The following MCTP2 variants were observed in gnomAD, a reference collection of about 807,000 sequenced individuals.
MCTP2 encodes the protein multiple C2 and transmembrane domain containing 2.
In MCTP2, 132 loss-of-function variants were observed where a neutral mutation model predicts 111.6. The ratio of observed to expected loss-of-function variants is 1.18; its 90% CI spans 1.03 to 1.37. The LOEUF is 1.37. Among genes scored for constraint, MCTP2 ranks in the 40% most tolerant of loss-of-function variants. The pLI is 0.00. For synonymous variants in MCTP2, 395 were observed against 387.7 expected (o/e 1.02, Z -0.22); for missense variants, 1,183 against 1,067.9 (o/e 1.11, Z -1.50).
chr15:94,443,510 G>A (rs1018767694), intron 19 of MCTP2, among the ~76,000 whole-genome samples: 18 of 152,216 alleles, frequency 1.2e-4, no homozygotes, highest in Non-Finnish European at 1.0e-4. Flanking sequence ...AATGCCAAAT[G>A]AGATGCTACT....
At chr15:94,337,666 GGT>G (rs3068711) in intron 4 of MCTP2, among the ~76,000 whole-genome samples, 25,670 of 150,756 alleles carry the variant, frequency 0.17, 2,564 homozygotes, top group East Asian at 0.3. Context: ...GCCCGAACAC[GGT>G]GTGTGTGTGT....
intron 19 of MCTP2, among the ~76,000 whole-genome samples, chr15:94,457,478 A>G (rs980364913): frequency 1.3e-5 from 2 of 152,196 alleles, no homozygotes; most frequent in Admixed American, 1.3e-4. Context: ...TTCTAATGTC[A>G]TGAGGAGATC....
At chr15:94,285,567 C>T (rs1380535834) in intron 1 of MCTP2, among the ~76,000 whole-genome samples, 1 of 152,110 alleles carries the variant, frequency 6.6e-6, no homozygotes, top group Non-Finnish European at 1.5e-5. Context: ...TTAAAAGTCA[C>T]TTACACATTT....
intron 4 of MCTP2, among the ~76,000 whole-genome samples, chr15:94,316,649 A>G (rs2076391178): frequency 6.6e-6 from 1 of 152,230 alleles, no homozygotes; most frequent in Admixed American, 6.5e-5. Flanking sequence ...CATAATTTTC[A>G]GCATTGACAT....
rs1211977109 is a variant in MCTP2, at chr15:94,483,325, C to T, written c.*4291C>T. The T allele has an allele frequency of 6.6e-6, 1 of 152,154 alleles. No homozygotes were observed. The highest frequency in any genetic ancestry group is 1.5e-5 in the Non-Finnish European group (1 of 68,022). The allele number at this position is 152,154 out of a possible 1,614,324, so 9.4% of individuals were successfully genotyped here. A position where few individuals can be genotyped will look rare whatever the true frequency, so the allele number is the denominator to read the frequency against. ...CCTCAAAAACCTAAAGACAGAAATACCATTTGACCCAGCAATCCCATAACT... is the reference window on the plus strand; with the variant it reads ...CCTCAAAAACCTAAAGACAGAAATATCATTTGACCCAGCAATCCCATAACT... On this transcript the variant is annotated 3_prime_UTR_variant, in exon 23 of 23. Transcript: ENST00000357742.
At chr15:94,245,520 A>T (rs1461496664) in intron 1 of MCTP2, among the ~76,000 whole-genome samples, 4 of 141,606 alleles carry the variant, frequency 2.8e-5, no homozygotes, top group African/African-American at 7.7e-5. Flanking sequence ...ACATATATGT[A>T]TATATTTATA....
chr15:94,385,571 T>A, intron 14 of MCTP2, 46 bp downstream of exon 14: 1 of 1,332,646 alleles, frequency 7.5e-7, no homozygotes, highest in South Asian at 1.2e-5. Flanking sequence ...ATTTTATAGT[T>A]GATGAGTTTC....
intron 2 of MCTP2, among the ~76,000 whole-genome samples, chr15:94,309,328 T>C (rs930311124): frequency 2.0e-4 from 31 of 152,240 alleles, no homozygotes; most frequent in African/African-American, 7.5e-4. Context: ...AGATACGGGT[T>C]ATAGATTAAA....
intron 14 of MCTP2, among the ~76,000 whole-genome samples, chr15:94,393,080 A>T (rs2081085930): frequency 6.6e-6 from 1 of 152,156 alleles, no homozygotes; most frequent in African/African-American, 2.4e-5. Context: ...CTGATAATAT[A>T]TTATCTTTGA....
intron 4 of MCTP2, among the ~76,000 whole-genome samples, chr15:94,321,907 T>C (rs2076646910): frequency 1.3e-5 from 2 of 152,150 alleles, no homozygotes; most frequent in Admixed American, 1.3e-4. Context: ...AAGAAAATCA[T>C]AAAAGAGAGA....
At chr15:94,244,816 A>G (rs2071638543) in intron 1 of MCTP2, among the ~76,000 whole-genome samples, 1 of 147,556 alleles carries the variant, frequency 6.8e-6, no homozygotes, top group South Asian at 2.1e-4. Context: ...ACGTATATGT[A>G]TACACATATG....
intron 1 of MCTP2, among the ~76,000 whole-genome samples, chr15:94,241,132 G>A (rs1420072364): frequency 8.8e-6 from 1 of 113,058 alleles, no homozygotes; most frequent in African/African-American, 3.6e-5. Flanking sequence ...TATCTCCTAG[G>A]GATCCTTTAG....
At chr15:94,278,112 A>G (rs1191773468) in intron 1 of MCTP2, 1 of 152,176 alleles carries the variant, frequency 6.6e-6, no homozygotes, top group Non-Finnish European at 1.5e-5. Context: ...TTGTAAATTA[A>G]TTGCCAATCA....
chr15:94,324,874 G>C (rs2076787945), intron 4 of MCTP2, among the ~76,000 whole-genome samples: 1 of 152,120 alleles, frequency 6.6e-6, no homozygotes, highest in African/African-American at 2.4e-5. Context: ...AAGTTAAAAT[G>C]ACTGATTTAA....
At chr15:94,362,004 A>G (rs1017211851) in intron 10 of MCTP2, among the ~76,000 whole-genome samples, 1 of 152,046 alleles carries the variant, frequency 6.6e-6, no homozygotes, top group South Asian at 2.1e-4. Flanking sequence ...CCCTTTTTCC[A>G]TAGTCCACCG....
intron 1 of MCTP2, among the ~76,000 whole-genome samples, chr15:94,291,838 A>G (rs964780333): frequency 6.6e-6 from 1 of 152,222 alleles, no homozygotes; most frequent in Non-Finnish European, 1.5e-5. Flanking sequence ...ATGTTTGGAC[A>G]GTAAATATTT....
chr15:94,471,205 C>G (rs576164806), intron 21 of MCTP2, among the ~76,000 whole-genome samples: 1 of 152,142 alleles, frequency 6.6e-6, no homozygotes, highest in Non-Finnish European at 1.5e-5. Context: ...AGCAGTTAGC[C>G]GTTCTCCGTA....
At chr15:94,375,063 A>G (rs1304479657) in intron 12 of MCTP2, among the ~76,000 whole-genome samples, 1 of 152,182 alleles carries the variant, frequency 6.6e-6, no homozygotes, top group African/African-American at 2.4e-5. Flanking sequence ...TACAAGAAGC[A>G]TGACAGCTTC....
At chr15:94,468,262 T>TG (rs2073578599) in intron 20 of MCTP2, among the ~76,000 whole-genome samples, 1 of 152,192 alleles carries the variant, frequency 6.6e-6, no homozygotes, top group African/African-American at 2.4e-5. Context: ...CTAACTATTC[T>TG]GCAAGTTTTT....
Sources: allele counts gnomAD v4.1 joint callset (sites outside exome capture counted in the v4.1 genomes callset), GRCh38; gene constraint gnomAD v4.1.1; transcripts MANE v1.5; gene names NCBI Gene and HGNC (gene_info 2026-07-23, HGNC 2026-07-21).